The following SYN3 variants were observed in gnomAD, a reference collection of about 807,000 sequenced individuals.
The protein encoded by SYN3 is synapsin-3.
In SYN3, 35 loss-of-function variants were observed where a neutral mutation model predicts 65.8. The ratio of observed to expected loss-of-function variants is 0.53; its 90% CI spans 0.41 to 0.70. SYN3 has a LOEUF of 0.70. SYN3 is among the 30% of genes least tolerant of loss of function. SYN3 has a pLI of 0.00. For synonymous variants in SYN3, 270 were observed against 292.9 expected (o/e 0.92, Z 0.80); for missense variants, 680 against 749.0 (o/e 0.91, Z 1.08).
intron 6 of SYN3, chr22:32,785,041 T>A (rs992094615): frequency 6.6e-6 from 1 of 152,018 alleles, no homozygotes; most frequent in African/African-American, 2.4e-5. Flanking sequence ...CCTAATTCTC[T>A]TCCCTCTTTT....
chr22:32,894,451 G>T (rs2049535203), intron 4 of SYN3, among the ~76,000 whole-genome samples: 1 of 152,204 alleles, frequency 6.6e-6, no homozygotes, highest in South Asian at 2.1e-4. Flanking sequence ...AGGCTCCCTT[G>T]TAGCTAGTGC....
At chr22:32,585,518 G>T (rs2059010180) in intron 7 of SYN3, among the ~76,000 whole-genome samples, 1 of 152,196 alleles carries the variant, frequency 6.6e-6, no homozygotes, top group Non-Finnish European at 1.5e-5. Context: ...ACTGGCACTG[G>T]TGGTTACTGC....
chr22:32,581,792 C>CTTTTTTTTT (rs10716395), intron 7 of SYN3, among the ~76,000 whole-genome samples: 6 of 84,320 alleles, frequency 7.1e-5, no homozygotes, highest in Admixed American at 1.7e-4. Flanking sequence ...TTCTTTCTTT[C>CTTTTTTTTT]TTTTTTTTTT....
chr22:32,652,374 T>G (rs1380920439), intron 6 of SYN3, among the ~76,000 whole-genome samples: 1 of 148,068 alleles, frequency 6.8e-6, no homozygotes, highest in East Asian at 2.1e-4. Context: ...AAGTCTGCGA[T>G]GCAAGTTTTT....
At chr22:32,867,142 C>T (rs2048708526) in intron 5 of SYN3, among the ~76,000 whole-genome samples, 1 of 152,176 alleles carries the variant, frequency 6.6e-6, no homozygotes, top group South Asian at 2.1e-4. Flanking sequence ...CCTACACCAC[C>T]AGGTGATCAC....
At chr22:32,778,437 C>G (rs5754278) in intron 6 of SYN3, among the ~76,000 whole-genome samples, 1 of 151,718 alleles carries the variant, frequency 6.6e-6, no homozygotes, top group East Asian at 1.9e-4. Flanking sequence ...CACAGGCACA[C>G]GCCACCATGT....
In SYN3 at chr22:32,772,299, T is replaced by C. The variant is rs5994623; in HGVS notation, c.711+92616A>G. 3.9e-3 allele frequency among the ~76,000 whole-genome samples: 583 copies of C among 147,930 alleles called. 7 individuals carry two copies. Among genetic ancestry groups the C allele is most frequent in the African/African-American group, 0.014 (550 of 39,956 alleles). Reference sequence around the variant, plus strand: ...TTTTTCAAGAGGAGGGAGGCAGGTATGAGGGAGATCAAGGCAGCCCTAGGG... The same window carrying C: ...TTTTTCAAGAGGAGGGAGGCAGGTACGAGGGAGATCAAGGCAGCCCTAGGG... On this transcript the variant is annotated intron_variant, in intron 6 of 13. Coordinates refer to ENST00000358763, the MANE Select transcript of SYN3 (RefSeq NM_003490.4).
intron 6 of SYN3, among the ~76,000 whole-genome samples, chr22:32,835,165 A>G (rs1388945122): frequency 1.3e-5 from 2 of 152,240 alleles, no homozygotes; most frequent in African/African-American, 4.8e-5. Flanking sequence ...ACTGGGTGAC[A>G]GAGTGCACAG....
chr22:32,524,782 G>A (rs571214196), intron 12 of SYN3, among the ~76,000 whole-genome samples: 222 of 152,236 alleles, frequency 1.5e-3, no homozygotes, highest in Non-Finnish European at 2.6e-3. Context: ...AGGCCGAGGC[G>A]GGTGGCTCAC....
At chr22:32,946,379 C>T (rs909638274) in intron 3 of SYN3, among the ~76,000 whole-genome samples, 5 of 152,260 alleles carry the variant, frequency 3.3e-5, no homozygotes, top group East Asian at 3.9e-4. Context: ...AGGATGAGTT[C>T]GTGTCCTTTG....
chr22:32,663,937 C>CT (rs1430389781), intron 6 of SYN3, among the ~76,000 whole-genome samples: 10 of 136,630 alleles, frequency 7.3e-5, no homozygotes, highest in Non-Finnish European at 1.3e-4. Flanking sequence ...GCATTCCCCC[C>CT]CCACACTGCA....
intron 6 of SYN3, among the ~76,000 whole-genome samples, chr22:32,611,545 G>A (rs768293087): frequency 1.7e-4 from 26 of 151,980 alleles, no homozygotes; most frequent in Non-Finnish European, 3.4e-4. Context: ...GCCCGCCTCG[G>A]CCTCCCAAAG....
At chr22:32,704,674 ACACC>A (rs1449198538) in intron 6 of SYN3, among the ~76,000 whole-genome samples, 1 of 152,176 alleles carries the variant, frequency 6.6e-6, no homozygotes, top group Non-Finnish European at 1.5e-5. Context: ...ACTAATTTAT[ACACC>A]CACCAACAGT....
intron 6 of SYN3, among the ~76,000 whole-genome samples, chr22:32,796,317 C>A (rs897246934): frequency 6.6e-6 from 1 of 152,166 alleles, no homozygotes; most frequent in East Asian, 1.9e-4. Flanking sequence ...GGCTTTACTG[C>A]ACACATGTGT....
intron 6 of SYN3, among the ~76,000 whole-genome samples, chr22:32,666,197 C>G (rs1262947620): frequency 6.6e-6 from 1 of 152,228 alleles, no homozygotes; most frequent in African/African-American, 2.4e-5. Flanking sequence ...TGCCAGTAAT[C>G]TTTGAATTGG....
At chr22:32,517,746 G>A (rs130444) in intron 13 of SYN3, among the ~76,000 whole-genome samples, 68,617 of 151,930 alleles carry the variant, frequency 0.45, 18,226 homozygotes, top group African/African-American at 0.74. Flanking sequence ...TGAACAAAGA[G>A]AATGATTGTT....
intron 4 of SYN3, among the ~76,000 whole-genome samples, chr22:32,915,140 G>C (rs1207708729): frequency 1.3e-5 from 2 of 152,190 alleles, no homozygotes; most frequent in African/African-American, 4.8e-5. Flanking sequence ...AGGTCTGGGA[G>C]AAGGATAGCA....
chr22:32,737,493 G>A (rs539776947), intron 6 of SYN3, among the ~76,000 whole-genome samples: 1 of 151,752 alleles, frequency 6.6e-6, no homozygotes, highest in South Asian at 2.1e-4. Flanking sequence ...AGGCCCCGGT[G>A]GGTGATGTTC....
intron 6 of SYN3, among the ~76,000 whole-genome samples, chr22:32,638,371 T>C (rs2059849082): frequency 6.6e-6 from 1 of 152,252 alleles, no homozygotes. Context: ...TTTTAAGTTC[T>C]TTGAGAAATT....
Sources: gnomAD v4.1 joint callset for allele counts (sites outside exome capture counted in the v4.1 genomes callset) on GRCh38, gnomAD v4.1.1 for gene constraint, MANE v1.5 for transcripts, NCBI Gene and HGNC (gene_info 2026-07-23, HGNC 2026-07-21) for gene names.